Variants in ACSM3 observed in about 807,000 individuals in gnomAD.
The protein encoded by ACSM3 is acyl-coenzyme A synthetase ACSM3, mitochondrial.
In ACSM3, 61 loss-of-function variants were observed where a neutral mutation model predicts 74.1. The ratio of observed to expected loss-of-function variants is 0.82; its 90% CI spans 0.67 to 1.02. ACSM3 has a LOEUF of 1.02. ACSM3 is among the 50% of genes least tolerant of loss of function. The probability of loss-of-function intolerance (pLI) is 0.00; values close to 1 mark genes in which losing one functional copy is unlikely to be tolerated. For missense variants in ACSM3, 660 were observed against 697.0 expected, an observed-to-expected ratio of 0.95 and a Z score of 0.60; for synonymous variants, 213 against 241.5, an observed-to-expected ratio of 0.88 and a Z score of 1.09.
At chr16:20,773,636 T>G (rs905946709) in intron 2 of ACSM3, among the ~76,000 whole-genome samples, 3 of 152,222 alleles carry the variant, frequency 2.0e-5, no homozygotes, top group Non-Finnish European at 4.4e-5. Context: ...AGGAGCATGT[T>G]GTTTAATTTC....
intron 1 of ACSM3, among the ~76,000 whole-genome samples, chr16:20,768,399 A>G (rs573968261): frequency 1.3e-5 from 2 of 152,308 alleles, no homozygotes; most frequent in South Asian, 4.1e-4. Flanking sequence ...GGATCTTGTT[A>G]AAATGTCAAC....
intron 11 of ACSM3, 39 bp downstream of exon 11, chr16:20,792,168 C>G: frequency 1.2e-6 from 2 of 1,614,046 alleles, no homozygotes; most frequent in South Asian, 2.2e-5. Context: ...TCTGTGTTAA[C>G]TGATCATCAG....
intron 4 of ACSM3, among the ~76,000 whole-genome samples, chr16:20,778,556 A>C (rs1438371023): frequency 6.6e-6 from 1 of 152,230 alleles, no homozygotes; most frequent in East Asian, 1.9e-4. Flanking sequence ...CAACCTAGGT[A>C]CTATAATTAC....
chr16:20,770,748 G>A (rs1312539243), intron 2 of ACSM3, among the ~76,000 whole-genome samples: 2 of 152,036 alleles, frequency 1.3e-5, no homozygotes, highest in Non-Finnish European at 2.9e-5. Flanking sequence ...TATTTTTCCT[G>A]TTATGTTTAG....
chr16:20,782,874 T>C (rs148640230), intron 7 of ACSM3, among the ~76,000 whole-genome samples: 203 of 152,306 alleles, frequency 1.3e-3, no homozygotes, highest in African/African-American at 4.5e-3. Flanking sequence ...AAGAGGTACA[T>C]AGGGTGAGGT....
chr16:20,716,363 G>A (rs2079761544), intron 1 of ACSM3, among the ~76,000 whole-genome samples: 1 of 152,050 alleles, frequency 6.6e-6, no homozygotes, highest in African/African-American at 2.4e-5. Context: ...AACCCCTCGT[G>A]GCCTTTGGAA....
chr16:20,738,829 G>A, intron 1 of ACSM3: 2 of 1,553,948 alleles, frequency 1.3e-6, no homozygotes, highest in East Asian at 2.2e-5. Flanking sequence ...TTTGTAAGCA[G>A]TATTCCCTGA....
At chr16:20,685,593 A>C (rs2079533394) in intron 1 of ACSM3, among the ~76,000 whole-genome samples, 1 of 151,996 alleles carries the variant, frequency 6.6e-6, no homozygotes, top group Admixed American at 6.6e-5. Context: ...AGGTGGAGGC[A>C]GGTTGATCAT....
intron 3 of ACSM3, among the ~76,000 whole-genome samples, chr16:20,777,103 T>G (rs2080265013): frequency 6.6e-6 from 1 of 152,234 alleles, no homozygotes; most frequent in South Asian, 2.1e-4. Flanking sequence ...AATCAAAACC[T>G]TCTTCAAGCT....
At position 20,786,147 on chromosome 16, in the gene ACSM3, T is replaced by G; in HGVS notation, c.1213T>G (p.Phe405Val). The change falls in exon 9 of 14, where the codon TTC (phenylalanine) becomes GTC (valine). Residue 405 changes from phenylalanine (F) to valine (V), a missense_variant. Phe to Val is a conservative substitution (Grantham distance 50, BLOSUM62 -1). Transcript: ENST00000289416. ...PGSMGKPSPAFDVKIVDVNGN... is the reference protein window; with the variant it reads ...PGSMGKPSPAVDVKIVDVNGN... Reference sequence around the variant, plus strand: ...CTCAATGGGAAAACCTTCTCCTGCTTTCGATGTTAAGGTTTGCACATCCCC... The same window carrying G: ...CTCAATGGGAAAACCTTCTCCTGCTGTCGATGTTAAGGTTTGCACATCCCC... The G allele has an allele frequency of 6.2e-7, 1 of 1,610,264 alleles. No individual in the cohort carries two copies. The highest frequency in any genetic ancestry group is 8.5e-7 in the Non-Finnish European group (1 of 1,178,350).
At chr16:20,737,421 T>G in intron 1 of ACSM3, 1 of 919,612 alleles carries the variant, frequency 1.1e-6, no homozygotes, top group Non-Finnish European at 1.6e-6. Flanking sequence ...CTTCAAATAA[T>G]CTGAACCCTT....
intron 9 of ACSM3, chr16:20,789,562 A>G: frequency 6.2e-7 from 1 of 1,602,506 alleles, no homozygotes; most frequent in Non-Finnish European, 8.6e-7. Flanking sequence ...CCACAGCTAA[A>G]CAAAGTTTGA....
intron 1 of ACSM3, among the ~76,000 whole-genome samples, chr16:20,705,329 A>T (rs1219802088): frequency 6.7e-6 from 1 of 149,514 alleles, no homozygotes; most frequent in Non-Finnish European, 1.5e-5. Context: ...GCAGAGAGAG[A>T]GCCACTGCAC....
At position 20,781,080 on chromosome 16, in the gene ACSM3, T is replaced by C. The variant is rs752162811; in HGVS notation, c.889T>C (p.Cys297Arg). Residue 297 changes from cysteine (C) to arginine (R), a missense_variant, in exon 6 of 14, where the codon TGT becomes CGT. By Grantham distance (180) the Cys-to-Arg change is radical (BLOSUM62 -3). Coordinates refer to ENST00000289416, the MANE Select transcript of ACSM3 (RefSeq NM_005622.4). ...SVFSPWIQGACVFTHHLPRFE... is the reference protein window; with the variant it reads ...SVFSPWIQGARVFTHHLPRFE... ...TTTTTCTCCGTGGATCCAGGGAGCA[T>C]GTGTATTCACACACCATTTACCCCG... The C allele has an allele frequency of 1.9e-6, 3 of 1,614,184 alleles. No individual in the cohort carries two copies. The highest frequency in any genetic ancestry group is 2.5e-6 in the Non-Finnish European group (3 of 1,180,028).
intron 1 of ACSM3, among the ~76,000 whole-genome samples, chr16:20,695,136 G>C (rs770424408): frequency 2.6e-5 from 4 of 152,178 alleles, no homozygotes; most frequent in African/African-American, 9.7e-5. Flanking sequence ...CGTCACATGA[G>C]AGGGCCAAAC....
At chr16:20,728,489 G>T in intron 1 of ACSM3, 2 of 1,112,238 alleles carry the variant, frequency 1.8e-6, no homozygotes, top group Non-Finnish European at 2.7e-6. Context: ...CTGAATATGT[G>T]ATATGAGGAT....
At chr16:20,730,334 T>C (rs537059745) in intron 1 of ACSM3, among the ~76,000 whole-genome samples, 4 of 152,194 alleles carry the variant, frequency 2.6e-5, no homozygotes, top group Non-Finnish European at 4.4e-5. Flanking sequence ...GATAGAAAAT[T>C]GTGGCCAGTT....
chr16:20,718,564 G>A (rs1397548913), intron 1 of ACSM3: 1 of 242,566 alleles, frequency 4.1e-6, no homozygotes. Flanking sequence ...CCAACTAATC[G>A]ATACTTCTCC....
intron 1 of ACSM3, among the ~76,000 whole-genome samples, chr16:20,699,271 C>T (rs535140924): frequency 1.1e-4 from 17 of 152,206 alleles, no homozygotes; most frequent in South Asian, 6.3e-4. Context: ...TCATAGGTAG[C>T]GGCTTGTACT....
Sources: gnomAD v4.1 joint callset for allele counts (sites outside exome capture counted in the v4.1 genomes callset) on GRCh38, gnomAD v4.1.1 for gene constraint, MANE v1.5 for transcripts, NCBI Gene and HGNC (gene_info 2026-07-23, HGNC 2026-07-21) for gene names.